The following MAPKBP1 variants were observed in gnomAD, a reference collection of about 807,000 sequenced individuals.
MAPKBP1 encodes the protein mitogen-activated protein kinase-binding protein 1.
MAPKBP1 carries 71 observed loss-of-function variants against 170.5 expected under a neutral mutation model. The ratio of observed to expected loss-of-function variants is 0.42; its 90% CI spans 0.34 to 0.51. The LOEUF is 0.51. MAPKBP1 is among the 20% of genes least tolerant of loss of function. The pLI, the probability that MAPKBP1 is intolerant of heterozygous loss-of-function variation, is 0.06. For synonymous variants in MAPKBP1, 719 were observed against 757.9 expected (o/e 0.95, Z 0.84); for missense variants, 1,598 against 1,933.0 (o/e 0.83, Z 3.25).
chr15:41,825,164 C>G, intron 30 of MAPKBP1, 45 bp from the exon 31 acceptor site: 2 of 1,501,314 alleles, frequency 1.3e-6, no homozygotes, highest in East Asian at 2.3e-5. Context: ...TTTTATATGT[C>G]TGTTGACAGG....
chr15:41,802,067 C>A (rs1811686712), intron 3 of MAPKBP1, among the ~76,000 whole-genome samples: 1 of 152,082 alleles, frequency 6.6e-6, no homozygotes, highest in African/African-American at 2.4e-5. Flanking sequence ...TACAAACCTG[C>A]ACAGCAGGTT....
At position 41,823,482 on chromosome 15, in the gene MAPKBP1, G is replaced by C. The variant is rs755366976; in HGVS notation, c.3634G>C (p.Gly1212Arg). 42 of 1,613,792 alleles carry C rather than the reference G, an allele frequency of 2.6e-5. 1 individual carries two copies. The South Asian group carries it at 4.1e-4, about 16-fold the overall frequency. ...HEASLQAPSP[G>R]ALLSREIEAQ... ...GGCCAGTCTGCAGGCCCCTTCACCA[G>C]GCGCACTGCTGTCTCGGGAGATCGA... The change falls in exon 29 of 31, where the codon GGC (glycine) becomes CGC (arginine). Residue 1212 changes from glycine (G) to arginine (R), a missense_variant. This residue lies in a region of MAPKBP1 where 942 missense variants were observed against 953.2 expected (regional missense o/e 0.99). Coordinates refer to ENST00000457542, the MANE Select transcript of MAPKBP1 (RefSeq NM_014994.3).
Position 41,818,867 on chromosome 15 carries a change from T to C in MAPKBP1, c.2201T>C (p.Met734Thr). 1 of 1,614,232 alleles carries C rather than the reference T, an allele frequency of 6.2e-7. No individual in the cohort carries two copies. ...CTGAGCTCTGAGATGACCATCAGCA[T>C]GAGGCAGCGTCTGGCCGAGTTGCGC... is the stretch of plus-strand genomic sequence containing the variant. ...WRLSSEMTIS[M>T]RQRLAELRQR... is the part of the protein sequence containing the mutation. The change falls in exon 20 of 31, where the codon ATG becomes ACG. Residue 734 changes from methionine (M) to threonine (T), a missense_variant. This residue lies in a region of MAPKBP1 where 63 missense variants were observed against 115.2 expected (regional missense o/e 0.55). Transcript: ENST00000457542. The surrounding 1 kb of genome is among the most constrained non-coding windows in gnomAD (Gnocchi z 5.2).
At chr15:41,802,875 G>C (rs1420286073) in intron 3 of MAPKBP1, among the ~76,000 whole-genome samples, 1 of 152,118 alleles carries the variant, frequency 6.6e-6, no homozygotes, top group Admixed American at 6.5e-5. Context: ...CATTAGCCTA[G>C]CGCATAGAAC....
intron 2 of MAPKBP1, among the ~76,000 whole-genome samples, chr15:41,781,616 C>G (rs2064190431): frequency 6.6e-6 from 1 of 152,044 alleles, no homozygotes. Context: ...GTATTCCAGC[C>G]TGGGCAACAG....
Position 41,817,014 on chromosome 15 carries a change from A to G in MAPKBP1, c.1690A>G (p.Ile564Val), listed in dbSNP as rs1473719211. 1.2e-6 allele frequency: 2 copies of G among 1,601,478 alleles called. No homozygotes were observed. The highest frequency in any genetic ancestry group is 1.3e-5 in the African/African-American group (1 of 74,626). ...GACGCTGGACGAACACTCATCCTCC[A>G]TCACTGCTGTTAAGTTTGCAGGTGC... ...QQTLDEHSSSITAVKFAASDG... is the reference protein window; with the variant it reads ...QQTLDEHSSSVTAVKFAASDG... Residue 564 changes from isoleucine (I) to valine (V), a missense_variant, in exon 14 of 31, where the codon ATC becomes GTC. Ile to Val is a conservative substitution (Grantham distance 29, BLOSUM62 3). Transcript: ENST00000457542. The surrounding 1 kb of genome is among the most constrained non-coding windows in gnomAD (Gnocchi z 4.2).
At chr15:41,802,138 A>G (rs1041511777) in intron 3 of MAPKBP1, among the ~76,000 whole-genome samples, 2 of 152,148 alleles carry the variant, frequency 1.3e-5, no homozygotes, top group African/African-American at 4.8e-5. Flanking sequence ...AAACATAGAA[A>G]AAGTATGGTT....
chr15:41,774,860 C>G, intron 1 of MAPKBP1: 1 of 424,904 alleles, frequency 2.4e-6, no homozygotes, highest in Non-Finnish European at 4.1e-6. Flanking sequence ...CCCTTGGACA[C>G]TACAGTTGCC....
chr15:41,805,338 C>T (rs890995025), intron 3 of MAPKBP1, among the ~76,000 whole-genome samples: 2 of 152,164 alleles, frequency 1.3e-5, no homozygotes, highest in Admixed American at 1.3e-4. Flanking sequence ...GTTGAACACC[C>T]TTAATTGAGT....
chr15:41,813,279 C>T (rs1270601158), intron 8 of MAPKBP1, 178 bp downstream of exon 8: 17 of 1,521,322 alleles, frequency 1.1e-5, no homozygotes, highest in Non-Finnish European at 1.6e-5. Context: ...TGTATAACTG[C>T]CTCCTCTCTG....
At chr15:41,811,069 G>A in intron 4 of MAPKBP1, 109 bp from the exon 5 acceptor site, 1 of 1,520,000 alleles carries the variant, frequency 6.6e-7, no homozygotes, top group South Asian at 1.1e-5. Context: ...ATGGGGAAGT[G>A]CCACATGTGC....
chr15:41,818,445 T>C lies in MAPKBP1; in HGVS notation c.2093-74T>C. Reference sequence around the variant, plus strand: ...CCCTACCCTGCAGCCAACCCCCGTGTCCACTGTTGGGATGGAGAGGACTTG... The same window carrying C: ...CCCTACCCTGCAGCCAACCCCCGTGCCCACTGTTGGGATGGAGAGGACTTG... On this transcript the variant is annotated intron_variant, in intron 18 of 30. Transcript: ENST00000457542. This position sits in a 1 kb window ranked among gnomAD's most constrained non-coding sequence, Gnocchi z 5.2. 1 of 1,504,376 alleles carries C rather than the reference T, an allele frequency of 6.6e-7. No individual in the cohort carries two copies. The highest frequency in any genetic ancestry group is 9.2e-7 in the Non-Finnish European group (1 of 1,088,878). The allele number at this position is 1,504,376 out of a possible 1,614,324, so 93.2% of individuals were successfully genotyped here.
At chr15:41,786,777 A>AAAAAAAAAAAAATATATATATAT in intron 2 of MAPKBP1, among the ~76,000 whole-genome samples, 16 of 32,434 alleles carry the variant, frequency 4.9e-4, no homozygotes, top group South Asian at 1.0e-3. Context: ...AAAAAAAAAA[A>AAAAAAAAAAAAATATATATATAT]ATATATATAT....
chr15:41,813,723 A>G lies in MAPKBP1; in HGVS notation c.922A>G (p.Ser308Gly), dbSNP rs143249094. 13 of 1,613,436 alleles carry G rather than the reference A, an allele frequency of 8.1e-6. No individual in the cohort carries two copies. In the African/African-American group the frequency reaches 1.7e-4, roughly 22 times the overall value. ...CAACCCCTCTAACCTGCACTTCCTT[A>G]GCACCTTGCCCCGACCCCATGCTCT... ...LFNPSNLHFL[S>G]TLPRPHALGT... is the part of the protein sequence containing the mutation. Residue 308 changes from serine to glycine, a missense_variant, in exon 9 of 31, where the codon AGC (serine) becomes GGC (glycine). Physicochemically the swap from Ser to Gly is moderately conservative, Grantham distance 56. Around this residue, in one of 6 missense-constraint regions of MAPKBP1, gnomAD observed 430 missense variants for 617.2 expected, o/e 0.70. Coordinates refer to ENST00000457542, the MANE Select transcript of MAPKBP1 (RefSeq NM_014994.3).
intron 2 of MAPKBP1, among the ~76,000 whole-genome samples, chr15:41,781,436 A>T (rs2064186701): frequency 7.0e-6 from 1 of 142,568 alleles, no homozygotes. Context: ...TAAAGTTTAT[A>T]TGCCTTATCT....
rs138843110 is a variant in MAPKBP1 at position 41,812,960 on chromosome 15, G to T, written c.678G>T (p.Leu226=). 4.8e-5 allele frequency: 78 copies of T among 1,612,444 alleles called. No individual in the cohort carries two copies. Among genetic ancestry groups the T allele is most frequent in the Non-Finnish European group, 6.5e-5 (77 of 1,179,158 alleles). Reference sequence around the variant, plus strand: ...CCTTGCTGGGCCGCTCAGGGCTGCTGGGAGAGCTACGGAACAACCTATTCA... The same window carrying T: ...CCTTGCTGGGCCGCTCAGGGCTGCTTGGAGAGCTACGGAACAACCTATTCA... ...TVPLLGRSGL[L]GELRNNLFTD... is the part of the protein sequence containing the mutation. The change falls in exon 8 of 31, where the codon CTG becomes CTT. Residue 226 remains leucine, a synonymous_variant. Transcript: ENST00000457542.
At chr15:41,819,557 G>GGGGGGGAC in intron 21 of MAPKBP1, 38 bp from the exon 22 acceptor site, 1 of 1,384,688 alleles carries the variant, frequency 7.2e-7, no homozygotes, top group Non-Finnish European at 1.0e-6. Flanking sequence ...CGGGGGGGGG[G>GGGGGGGAC]CAGGAGACAC....
chr15:41,796,395 A>G (rs1268636880), intron 2 of MAPKBP1, among the ~76,000 whole-genome samples: 1 of 152,216 alleles, frequency 6.6e-6, no homozygotes, highest in African/African-American at 2.4e-5. Context: ...TATGAAGTCC[A>G]TCATGTTGAA....
In MAPKBP1 at chr15:41,775,396, C is replaced by G. The variant is rs756684650; in HGVS notation, c.114+7C>G. 1 of 1,606,716 alleles carries G rather than the reference C, an allele frequency of 6.2e-7. No homozygotes were observed. The highest frequency in any genetic ancestry group is 8.5e-7 in the Non-Finnish European group (1 of 1,173,226). On this transcript the variant is annotated splice_region_variant and intron_variant, in intron 2 of 30. Transcript: ENST00000457542. ...AGAGGACCTCAGCTCCAAGGTGAGT[C>G]CTGTTGGGATCCACCTCTTTCCAAA...
Sources: allele counts gnomAD v4.1 joint callset (sites outside exome capture counted in the v4.1 genomes callset), GRCh38; gene constraint gnomAD v4.1.1; regional missense constraint gnomAD v4.1.1; non-coding constraint Gnocchi (gnomAD v3.1); transcripts MANE v1.5; gene names NCBI Gene and HGNC (gene_info 2026-07-23, HGNC 2026-07-21).